IFT74: variants seen among roughly 807,000 people sequenced by gnomAD.
The protein encoded by IFT74 is intraflagellar transport protein 74 homolog.
IFT74 carries 92 observed loss-of-function variants against 96.7 expected under a neutral mutation model. That is an observed-to-expected ratio of 0.95 (90% CI 0.80 to 1.13). The LOEUF (loss-of-function observed/expected upper bound fraction) is 1.13. IFT74 is among the 50% of genes most tolerant of loss of function. The probability of loss-of-function intolerance (pLI) is 0.00; values close to 1 mark genes in which losing one functional copy is unlikely to be tolerated. For synonymous variants in IFT74, 223 were observed against 213.2 expected, an observed-to-expected ratio of 1.05 and a Z score of -0.40; for missense variants, 811 against 698.2, an observed-to-expected ratio of 1.16 and a Z score of -1.82.
At chr9:27,039,932 G>A (rs1264340751) in intron 13 of IFT74, among the ~76,000 whole-genome samples, 1 of 152,160 alleles carries the variant, frequency 6.6e-6, no homozygotes, top group East Asian at 1.9e-4. Flanking sequence ...TAGACTGAAT[G>A]CAAAAAGATG....
At chr9:26,980,476 T>G in intron 3 of IFT74, 95 bp from the exon 4 acceptor site, 32 of 783,956 alleles carry the variant, frequency 4.1e-5, no homozygotes, top group East Asian at 5.0e-5. Flanking sequence ...AAGACTGTCT[T>G]GAGAATTGTG....
In IFT74 at chr9:27,056,413, A is replaced by G. The variant is rs373796986; in HGVS notation, c.1577A>G (p.Tyr526Cys). 2.2e-5 allele frequency: 36 copies of G among 1,602,462 alleles called. No homozygotes were observed. Among genetic ancestry groups the G allele is most frequent in the Non-Finnish European group, 2.9e-5 (34 of 1,174,906 alleles). ...ATAATGGAGAAGCAAAACATAGAGT[A>G]TGAGGCACTAAAAACACAATTGCAA... ...KKIMEKQNIE[Y>C]EALKTQLQEN... Residue 526 changes from tyrosine (Y) to cysteine (C), a missense_variant, in exon 18 of 20, where the codon TAT (tyrosine) becomes TGT (cysteine). Physicochemically the swap from Tyr to Cys is radical, Grantham distance 194. Transcript: ENST00000380062.
At chr9:27,008,680 T>A (rs1203381969) in intron 8 of IFT74, among the ~76,000 whole-genome samples, 1 of 152,142 alleles carries the variant, frequency 6.6e-6, no homozygotes, top group Non-Finnish European at 1.5e-5. Context: ...CTTTTGAAGG[T>A]ATAACTTTAA....
At chr9:26,959,089 T>TTTGTTGTTGTTGTTG (rs60936250) in intron 1 of IFT74, among the ~76,000 whole-genome samples, 26 of 150,638 alleles carry the variant, frequency 1.7e-4, no homozygotes, top group East Asian at 1.0e-3. Flanking sequence ...AGCTATTCTT[T>TTTGTTGTTGTTGTTG]TTGTTGTTGT....
intron 11 of IFT74, among the ~76,000 whole-genome samples, chr9:27,017,964 C>T (rs1829425941): frequency 6.6e-6 from 1 of 152,074 alleles, no homozygotes; most frequent in African/African-American, 2.4e-5. Context: ...AAGCCCAGTG[C>T]ATTTAGAAGA....
Position 27,018,673 on chromosome 9 carries a change from C to T in IFT74, c.960C>T (p.Ala320=). The stretch of plus-strand genomic sequence containing the variant: ...TTAAAGATGATAATCAGGAAATAGC[C>T]AGCATGGAAAGACAGTAAGTATCTT... ...KQIKDDNQEI[A]SMERQLTDTK... is the part of the protein sequence containing the mutation. Residue 320 remains alanine, a synonymous_variant, in exon 12 of 20, where the codon GCC becomes GCT. Transcript: ENST00000380062. 1 of 1,532,100 alleles carries T rather than the reference C, an allele frequency of 6.5e-7. No homozygotes were observed. The highest frequency in any genetic ancestry group is 8.9e-7 in the Non-Finnish European group (1 of 1,118,952). 94.9% of individuals were successfully genotyped at this position (1,532,100 alleles called of 1,614,324 possible).
At chr9:26,977,262 T>A in intron 2 of IFT74, among the ~76,000 whole-genome samples, 1 of 152,124 alleles carries the variant, frequency 6.6e-6, no homozygotes. Flanking sequence ...TGTTGGTGCA[T>A]GCCACCATGC....
At chr9:27,044,913 C>G (rs1819635968) in intron 14 of IFT74, 118 bp downstream of exon 14, 1 of 567,752 alleles carries the variant, frequency 1.8e-6, no homozygotes, top group African/African-American at 1.9e-5. Flanking sequence ...GAAGTGTGGA[C>G]ATTCAAAGCA....
chr9:27,051,774 C>T (rs1347536856), intron 16 of IFT74, among the ~76,000 whole-genome samples: 5 of 152,126 alleles, frequency 3.3e-5, no homozygotes, highest in Non-Finnish European at 7.4e-5. Context: ...AAGGTTGAAA[C>T]ATTCTATTGC....
intron 6 of IFT74, among the ~76,000 whole-genome samples, chr9:26,986,076 A>T (rs1410412400): frequency 6.6e-6 from 1 of 152,160 alleles, no homozygotes; most frequent in Non-Finnish European, 1.5e-5. Flanking sequence ...TAGTTGCTTT[A>T]GGAGCAGTGA....
rs1195561046 is a variant in IFT74, at chr9:27,018,728, A to G, written c.974+41A>G. 5.5e-6 allele frequency: 7 copies of G among 1,278,784 alleles called. No homozygotes were observed. The East Asian group carries it at 1.7e-4, about 31-fold the overall frequency. 79.2% of individuals were successfully genotyped at this position (1,278,784 alleles called of 1,614,324 possible). ...CTAGGACATTTTACATCCATTTCTCACTTTAAAAATTACATTCTAAAGGTA... is the reference window on the plus strand; with the variant it reads ...CTAGGACATTTTACATCCATTTCTCGCTTTAAAAATTACATTCTAAAGGTA... On this transcript the variant is annotated intron_variant, in intron 12 of 19. Coordinates refer to ENST00000380062, the MANE Select transcript of IFT74 (RefSeq NM_025103.4).
chr9:27,015,248 C>G (rs1829285482), intron 10 of IFT74, among the ~76,000 whole-genome samples: 1 of 152,102 alleles, frequency 6.6e-6, no homozygotes, highest in Non-Finnish European at 1.5e-5. Context: ...TAATCTGTTA[C>G]TTGAACTGTA....
chr9:26,989,991 CTTTA>C, intron 7 of IFT74, 139 bp from the exon 8 acceptor site: 1 of 427,012 alleles, frequency 2.3e-6, no homozygotes, highest in East Asian at 3.7e-5. Context: ...GAGGCAATTA[CTTTA>C]TTTTTCTTCT....
intron 2 of IFT74, among the ~76,000 whole-genome samples, chr9:26,967,946 A>C (rs1402476160): frequency 6.6e-6 from 1 of 152,148 alleles, no homozygotes; most frequent in Non-Finnish European, 1.5e-5. Flanking sequence ...GTGAGTCATG[A>C]CAAATGATCT....
intron 3 of IFT74, among the ~76,000 whole-genome samples, chr9:26,979,321 G>A (rs1436472709): frequency 6.6e-6 from 1 of 151,996 alleles, no homozygotes; most frequent in East Asian, 1.9e-4. Flanking sequence ...GAAAGTGGAT[G>A]CACAGAAATA....
chr9:27,005,202 T>C (rs1327025121), intron 8 of IFT74, among the ~76,000 whole-genome samples: 8 of 152,158 alleles, frequency 5.3e-5, no homozygotes, highest in South Asian at 4.1e-4. Context: ...AGAATAGTTA[T>C]CAGCCTGCTT....
intron 1 of IFT74, among the ~76,000 whole-genome samples, chr9:26,947,927 C>T (rs1825798209): frequency 6.6e-6 from 1 of 152,164 alleles, no homozygotes; most frequent in Admixed American, 6.5e-5. Context: ...ACCCGTGGTG[C>T]TACTTGCTAG....
At chr9:26,969,157 C>T (rs1826767250) in intron 2 of IFT74, among the ~76,000 whole-genome samples, 1 of 151,996 alleles carries the variant, frequency 6.6e-6, no homozygotes, top group Admixed American at 6.6e-5. Flanking sequence ...TTTTTAATCT[C>T]TTCTTAGACC....
In IFT74 at chr9:27,011,887, CTTT is replaced by C; in HGVS notation, c.727-11_727-9del. On this transcript the variant is annotated splice_polypyrimidine_tract_variant and intron_variant, in intron 9 of 19. Coordinates refer to ENST00000380062, the MANE Select transcript of IFT74 (RefSeq NM_025103.4). ...TTAATGTAATTTGGATTTATGTTTG[CTTT>C]TTTTTTTCCACTTAGGAATTAGATA... 2 of 1,355,834 alleles carry C rather than the reference CTTT, an allele frequency of 1.5e-6. No homozygotes were observed. Among genetic ancestry groups the C allele is most frequent in the Admixed American group, 2.5e-5 (1 of 40,300 alleles). The allele number at this position is 1,355,834 out of a possible 1,614,324, so 84.0% of individuals were successfully genotyped here. A position where few individuals can be genotyped will look rare whatever the true frequency, so the allele number is the denominator to read the frequency against.
Sources: allele counts gnomAD v4.1 joint callset (sites outside exome capture counted in the v4.1 genomes callset), GRCh38; gene constraint gnomAD v4.1.1; transcripts MANE v1.5; gene names NCBI Gene and HGNC (gene_info 2026-07-23, HGNC 2026-07-21).